Variants in HIPK2 observed in about 807,000 individuals in gnomAD.
The protein encoded by HIPK2 is homeodomain-interacting protein kinase 2.
In HIPK2, 27 loss-of-function variants were observed where a neutral mutation model predicts 113.7. The observed-to-expected ratio is 0.24, with a 90% CI of 0.17 to 0.33. HIPK2 has a LOEUF of 0.33. HIPK2 is among the 10% of genes least tolerant of loss of function. The probability of loss-of-function intolerance (pLI) is 1.00; values close to 1 mark genes in which losing one functional copy is unlikely to be tolerated. For missense variants in HIPK2, 1,257 were observed against 1,588.0 expected (o/e 0.79, Z 3.54); for synonymous variants, 631 against 642.2 (o/e 0.98, Z 0.26).
intron 2 of HIPK2, among the ~76,000 whole-genome samples, chr7:139,698,083 T>C (rs1794613145): frequency 6.6e-6 from 1 of 152,170 alleles, no homozygotes; most frequent in African/African-American, 2.4e-5. Flanking sequence ...CAGGCTGGTC[T>C]TGAACTCCTG....
chr7:139,774,654 G>A (rs562231291), intron 1 of HIPK2, among the ~76,000 whole-genome samples: 32 of 152,262 alleles, frequency 2.1e-4, no homozygotes, highest in African/African-American at 7.7e-4. Context: ...TAAGCCAATA[G>A]TAATCAACAC....
intron 2 of HIPK2, among the ~76,000 whole-genome samples, chr7:139,668,921 G>A (rs1307473644): frequency 1.3e-5 from 2 of 152,188 alleles, no homozygotes; most frequent in Non-Finnish European, 2.9e-5. Context: ...TTGTCTGTAT[G>A]CCTTTCAAAT....
intron 1 of HIPK2, among the ~76,000 whole-genome samples, chr7:139,719,602 C>A (rs1795348978): frequency 6.6e-6 from 1 of 152,228 alleles, no homozygotes; most frequent in Admixed American, 6.5e-5. Flanking sequence ...GCTTCCAAAG[C>A]TGAACCCCTT....
intron 2 of HIPK2, among the ~76,000 whole-genome samples, chr7:139,666,318 T>C (rs1802047707): frequency 1.3e-5 from 2 of 152,140 alleles, no homozygotes. Context: ...TTCTGAGACT[T>C]GAGGAGCAGG....
intron 12 of HIPK2, among the ~76,000 whole-genome samples, chr7:139,588,482 A>G (rs1481015460): frequency 1.3e-5 from 2 of 151,148 alleles, no homozygotes; most frequent in South Asian, 2.1e-4. Flanking sequence ...CACCACTACA[A>G]TCCAGTCGGG....
chr7:139,665,041 T>TCTCTC (rs1554440597), intron 2 of HIPK2, among the ~76,000 whole-genome samples: 27 of 95,658 alleles, frequency 2.8e-4, no homozygotes, highest in African/African-American at 1.1e-3. Context: ...TTCTCTCTCT[T>TCTCTC]TTTTTTTTTT....
chr7:139,720,344 T>C (rs1454082288), intron 1 of HIPK2, among the ~76,000 whole-genome samples: 3 of 152,192 alleles, frequency 2.0e-5, no homozygotes, highest in Non-Finnish European at 2.9e-5. Flanking sequence ...CAGCACCTGA[T>C]TGGAGCCCCA....
intron 1 of HIPK2, among the ~76,000 whole-genome samples, chr7:139,733,592 T>C (rs1425898461): frequency 6.6e-6 from 1 of 152,212 alleles, no homozygotes; most frequent in Non-Finnish European, 1.5e-5. Context: ...ATGTTTTACT[T>C]TCCAATACAG....
At chr7:139,755,013 A>G (rs1375045819) in intron 1 of HIPK2, among the ~76,000 whole-genome samples, 4 of 152,144 alleles carry the variant, frequency 2.6e-5, no homozygotes, top group African/African-American at 9.7e-5. Context: ...CTGTTCGGAT[A>G]CTGACTCTCA....
intron 2 of HIPK2, among the ~76,000 whole-genome samples, chr7:139,654,941 T>G (rs1801603635): frequency 6.6e-6 from 1 of 152,176 alleles, no homozygotes; most frequent in Non-Finnish European, 1.5e-5. Flanking sequence ...AATAGGGTGA[T>G]TTCTAAAGCC....
At chr7:139,593,727 C>T (rs1338311199) in intron 12 of HIPK2, among the ~76,000 whole-genome samples, 6 of 152,098 alleles carry the variant, frequency 3.9e-5, no homozygotes, top group Admixed American at 1.3e-4. Flanking sequence ...AAATAGAAAA[C>T]GAGGCTGGGA....
intron 6 of HIPK2, among the ~76,000 whole-genome samples, chr7:139,624,032 T>C (rs576043387): frequency 3.3e-5 from 5 of 152,016 alleles, no homozygotes; most frequent in African/African-American, 1.2e-4. Context: ...TTCCTATTTT[T>C]TTTTTTTTTT....
At chr7:139,604,251 C>A (rs1418930001) in intron 9 of HIPK2, 28 bp from the exon 10 acceptor site, 10 of 1,581,098 alleles carry the variant, frequency 6.3e-6, no homozygotes, top group Non-Finnish European at 7.8e-6. Flanking sequence ...TGTGCAATGA[C>A]CATGTTTGCT....
intron 12 of HIPK2, among the ~76,000 whole-genome samples, chr7:139,590,976 C>T (rs892664296): frequency 6.6e-6 from 1 of 152,166 alleles, no homozygotes; most frequent in Non-Finnish European, 1.5e-5. Flanking sequence ...TCCCAAGTAG[C>T]TGGGACTACA....
chr7:139,661,682 G>A (rs1801872037), intron 2 of HIPK2, among the ~76,000 whole-genome samples: 2 of 152,064 alleles, frequency 1.3e-5, no homozygotes, highest in African/African-American at 4.8e-5. Flanking sequence ...TAACACTAAT[G>A]ATAGCTGATT....
At chr7:139,616,984 G>T (rs1246326490) in intron 7 of HIPK2, among the ~76,000 whole-genome samples, 5 of 152,198 alleles carry the variant, frequency 3.3e-5, no homozygotes, top group Non-Finnish European at 7.3e-5. Context: ...AGGACAAATG[G>T]CACTTGTGTC....
At chr7:139,646,263 A>G (rs969822099) in intron 2 of HIPK2, among the ~76,000 whole-genome samples, 1 of 152,180 alleles carries the variant, frequency 6.6e-6, no homozygotes, top group Non-Finnish European at 1.5e-5. Flanking sequence ...TGGGAAGCCA[A>G]GGCGGGAGGA....
In HIPK2 at chr7:139,627,450, C is replaced by T. The variant is rs368973429; in HGVS notation, c.1435-665G>A. Among the ~76,000 whole-genome samples, 32 of 152,278 alleles carry T rather than the reference C, an allele frequency of 2.1e-4. No individual in the cohort carries two copies. In the South Asian group the frequency reaches 6.6e-3, roughly 32 times the overall value. On this transcript the variant is annotated intron_variant, in intron 5 of 14. Coordinates refer to ENST00000406875, the MANE Select transcript of HIPK2 (RefSeq NM_022740.5). ...CAGTTAGGGCCAGAATTATTTTAGTCCCTGTGTTCAATGGAGTCACCTCTG... is the reference window on the plus strand; with the variant it reads ...CAGTTAGGGCCAGAATTATTTTAGTTCCTGTGTTCAATGGAGTCACCTCTG...
rs150101126 is a variant in HIPK2, at chr7:139,643,975, C to G, written c.1104-12250G>C. On this transcript the variant is annotated intron_variant, in intron 2 of 14. Transcript: ENST00000406875. ...TGCTGGAGAAAGCCTGTTCTGACCT[C>G]CCAGCACTCTACCAGACTACAGTGT... Among the ~76,000 whole-genome samples, 545 of 152,232 alleles carry G rather than the reference C, an allele frequency of 3.6e-3. 3 individuals are homozygous for G. The highest frequency in any genetic ancestry group is 0.013 in the African/African-American group (521 of 41,544).
Sources: allele counts gnomAD v4.1 joint callset (sites outside exome capture counted in the v4.1 genomes callset), GRCh38; gene constraint gnomAD v4.1.1; transcripts MANE v1.5; gene names NCBI Gene and HGNC (gene_info 2026-07-23, HGNC 2026-07-21).